ZHX2: variants seen among roughly 807,000 people sequenced by gnomAD.
The protein encoded by ZHX2 is zinc fingers and homeoboxes protein 2.
In ZHX2, 6 loss-of-function variants were observed where a neutral mutation model predicts 21.9. That is an observed-to-expected ratio of 0.27 (90% confidence interval 0.15 to 0.54). The LOEUF is 0.54. Ranked by LOEUF, ZHX2 falls within the 20% of genes least tolerant of loss-of-function variation. ZHX2 has a pLI of 0.95. For missense variants in ZHX2, 908 were observed against 1,090.7 expected (o/e 0.83, Z 2.36); for synonymous variants, 434 against 437.1 (o/e 0.99, Z 0.09).
At chr8:122,964,631 T>C (rs546603357) in intron 3 of ZHX2, among the ~76,000 whole-genome samples, 34 of 152,270 alleles carry the variant, frequency 2.2e-4, no homozygotes, top group African/African-American at 8.2e-4. Flanking sequence ...CCTTTCCTGA[T>C]TTTGGTATTA....
chr8:122,955,990 A>C (rs1214356716), intron 3 of ZHX2, among the ~76,000 whole-genome samples: 2 of 151,924 alleles, frequency 1.3e-5, no homozygotes, highest in African/African-American at 4.8e-5. Flanking sequence ...GATTACAGGC[A>C]TGCGCCACCC....
intron 3 of ZHX2, among the ~76,000 whole-genome samples, chr8:122,955,199 C>T (rs937732026): frequency 6.8e-6 from 1 of 147,876 alleles, no homozygotes; most frequent in African/African-American, 2.5e-5. Flanking sequence ...GCCTGAAGCA[C>T]AGCAGCTTGG....
chr8:122,952,224 A>G lies in ZHX2; in HGVS notation c.714A>G (p.Thr238=). The change falls in exon 3 of 4, where the codon ACA becomes ACG. Residue 238 remains threonine, a synonymous_variant. Coordinates refer to ENST00000314393, the MANE Select transcript of ZHX2 (RefSeq NM_014943.5). This position sits in a 1 kb window ranked among gnomAD's most constrained non-coding sequence, Gnocchi z 6.9. ...RLGGVELLQD[T]LGHVMPSVQL... ...GCGGGGTGGAGCTCCTCCAAGACAC[A>G]TTAGGACACGTCATGCCTTCTGTAC... 2.5e-6 allele frequency: 4 copies of G among 1,613,840 alleles called. No individual in the cohort carries two copies. Among genetic ancestry groups the G allele is most frequent in the Non-Finnish European group, 3.4e-6 (4 of 1,179,958 alleles).
intron 2 of ZHX2, among the ~76,000 whole-genome samples, chr8:122,870,914 C>G (rs1819417297): frequency 6.6e-6 from 1 of 152,144 alleles, no homozygotes; most frequent in African/African-American, 2.4e-5. Flanking sequence ...CCTCAGGTTC[C>G]TGGCTTGAGA....
intron 2 of ZHX2, among the ~76,000 whole-genome samples, chr8:122,916,170 T>C (rs1446485161): frequency 6.6e-6 from 1 of 152,222 alleles, no homozygotes; most frequent in Non-Finnish European, 1.5e-5. Context: ...ACAGACGCTT[T>C]CATCTCAGCT....
intron 2 of ZHX2, among the ~76,000 whole-genome samples, chr8:122,942,698 T>C (rs886914971): frequency 2.6e-5 from 4 of 151,524 alleles, no homozygotes; most frequent in African/African-American, 9.8e-5. Flanking sequence ...CCATGTACCA[T>C]CCTGACAGCC....
At chr8:122,942,457 G>C (rs556014685) in intron 2 of ZHX2, among the ~76,000 whole-genome samples, 1 of 152,126 alleles carries the variant, frequency 6.6e-6, no homozygotes, top group African/African-American at 2.4e-5. Context: ...GCGATGAGAC[G>C]TGGCATCCCT....
At chr8:122,913,674 A>G (rs775149282) in intron 2 of ZHX2, among the ~76,000 whole-genome samples, 2 of 152,200 alleles carry the variant, frequency 1.3e-5, no homozygotes, top group Non-Finnish European at 2.9e-5. Context: ...CCCTAAACTC[A>G]GGGGATTCAG....
At chr8:122,838,884 T>A (rs2130703237) in intron 1 of ZHX2, among the ~76,000 whole-genome samples, 1 of 152,288 alleles carries the variant, frequency 6.6e-6, no homozygotes, top group Middle Eastern at 3.4e-3. Flanking sequence ...CAATGTGATT[T>A]TTTTAAAGTG....
chr8:122,957,048 T>A (rs746465748), intron 3 of ZHX2, among the ~76,000 whole-genome samples: 9 of 152,166 alleles, frequency 5.9e-5, no homozygotes, highest in Non-Finnish European at 1.2e-4. Context: ...GTCGCCTGAA[T>A]AGCAGAGGTC....
chr8:122,814,223 A>C (rs866153481), intron 1 of ZHX2, among the ~76,000 whole-genome samples: 1 of 152,220 alleles, frequency 6.6e-6, no homozygotes, highest in Non-Finnish European at 1.5e-5. Context: ...GACTCAAAAA[A>C]TATTAAGTAA....
chr8:122,785,969 T>C (rs1431799821), intron 1 of ZHX2, among the ~76,000 whole-genome samples: 1 of 152,178 alleles, frequency 6.6e-6, no homozygotes, highest in Non-Finnish European at 1.5e-5. Context: ...ACGAGCTTAG[T>C]TCTTATTTGC....
At chr8:122,955,077 G>GGT (rs1813262595) in intron 3 of ZHX2, among the ~76,000 whole-genome samples, 9 of 145,878 alleles carry the variant, frequency 6.2e-5, no homozygotes, top group Non-Finnish European at 1.1e-4. Flanking sequence ...GCCGGGGGGG[G>GGT]GGGGGTGGCA....
At chr8:122,822,538 G>A (rs1362134594) in intron 1 of ZHX2, among the ~76,000 whole-genome samples, 2 of 152,300 alleles carry the variant, frequency 1.3e-5, no homozygotes, top group East Asian at 1.9e-4. Flanking sequence ...ACAGCTTCCC[G>A]GAGGAAGTGG....
chr8:122,884,949 G>GA (rs1257959296), intron 2 of ZHX2, among the ~76,000 whole-genome samples: 1 of 152,222 alleles, frequency 6.6e-6, no homozygotes, highest in Admixed American at 6.5e-5. Flanking sequence ...GCCGGGGAGT[G>GA]ATGTGATCTG....
At chr8:122,875,383 A>G (rs1586350648) in intron 2 of ZHX2, among the ~76,000 whole-genome samples, 1 of 152,032 alleles carries the variant, frequency 6.6e-6, no homozygotes, top group Middle Eastern at 3.4e-3. Flanking sequence ...CACAAAGCCT[A>G]AGATATTTAC....
chr8:122,815,756 A>T lies in ZHX2; in HGVS notation c.-283+33810A>T, dbSNP rs190686818. ...GCTACAGAGAAAGCTTTTGTTAAAGAGTCAATCGATGCAGCAAACTTTGTT... is the reference window on the plus strand; with the variant it reads ...GCTACAGAGAAAGCTTTTGTTAAAGTGTCAATCGATGCAGCAAACTTTGTT... On this transcript the variant is annotated intron_variant, in intron 1 of 3. Coordinates refer to ENST00000314393, the MANE Select transcript of ZHX2 (RefSeq NM_014943.5). The T allele has an allele frequency of 2.0e-5, 3 of 152,434 alleles. No individual in the cohort carries two copies. The East Asian group carries it at 5.8e-4, about 29-fold the overall frequency. The allele number at this position is 152,434 out of a possible 1,614,324, so 9.4% of individuals were successfully genotyped here.
chr8:122,886,922 A>G lies in ZHX2; in HGVS notation c.-220+23383A>G, dbSNP rs374399043. On this transcript the variant is annotated intron_variant, in intron 2 of 3. Coordinates refer to ENST00000314393, the MANE Select transcript of ZHX2 (RefSeq NM_014943.5). The stretch of plus-strand genomic sequence containing the variant: ...AAGGCCCTATTAGTATCTTTATTTT[A>G]TAAGACAAGGAAATGGAGGCTCAGA... Among the ~76,000 whole-genome samples, 77 of 152,312 alleles carry G rather than the reference A, an allele frequency of 5.1e-4. No homozygotes were observed. The South Asian group carries it at 8.3e-3, about 16-fold the overall frequency.
At chr8:122,942,035 A>C (rs1157782912) in intron 2 of ZHX2, among the ~76,000 whole-genome samples, 3 of 152,362 alleles carry the variant, frequency 2.0e-5, no homozygotes, top group African/African-American at 7.2e-5. Flanking sequence ...TGACCTTTCA[A>C]AGGCAATTCT....
Sources: gnomAD v4.1 joint callset for allele counts (sites outside exome capture counted in the v4.1 genomes callset) on GRCh38, gnomAD v4.1.1 for gene constraint, Gnocchi (gnomAD v3.1) non-coding constraint, MANE v1.5 for transcripts, NCBI Gene and HGNC (gene_info 2026-07-23, HGNC 2026-07-21) for gene names.